Variants in P3H2 observed in about 807,000 individuals in gnomAD.
P3H2 encodes prolyl 3-hydroxylase 2.
Under a neutral mutation model 87.0 loss-of-function variants are expected in P3H2, and 80 were observed. The observed-to-expected ratio is 0.92, with a 90% CI of 0.77 to 1.11. The LOEUF is 1.11. Among genes scored for constraint, P3H2 ranks in the 50% least tolerant of loss-of-function variants. The probability of loss-of-function intolerance (pLI) is 0.00; values close to 1 mark genes in which losing one functional copy is unlikely to be tolerated. For synonymous variants in P3H2, 367 were observed against 359.3 expected (o/e 1.02, Z -0.24); for missense variants, 1,001 against 923.9 (o/e 1.08, Z -1.08).
At chr3:190,100,534 A>G (rs1336377474) in intron 1 of P3H2, among the ~76,000 whole-genome samples, 2 of 152,152 alleles carry the variant, frequency 1.3e-5, no homozygotes, top group Non-Finnish European at 2.9e-5. Context: ...CCAAGATTAC[A>G]TATTACAATC....
At chr3:190,069,094 C>T (rs758486912) in intron 1 of P3H2, among the ~76,000 whole-genome samples, 18 of 152,090 alleles carry the variant, frequency 1.2e-4, no homozygotes, top group Non-Finnish European at 2.1e-4. Context: ...CCAAGAGAGC[C>T]TCACCTATCT....
chr3:189,980,359 T>G (rs1288571778), intron 8 of P3H2, among the ~76,000 whole-genome samples: 7 of 152,178 alleles, frequency 4.6e-5, no homozygotes, highest in African/African-American at 1.2e-4. Flanking sequence ...GGTCAGGAGT[T>G]CGAGGCCAGC....
intron 1 of P3H2, among the ~76,000 whole-genome samples, chr3:190,073,293 G>A (rs1726765844): frequency 6.6e-6 from 1 of 152,178 alleles, no homozygotes; most frequent in African/African-American, 2.4e-5. Context: ...AAGCTGGCAG[G>A]AAACCCAAGA....
chr3:189,998,926 C>G (rs1724129650), intron 1 of P3H2, among the ~76,000 whole-genome samples: 1 of 152,132 alleles, frequency 6.6e-6, no homozygotes, highest in South Asian at 2.1e-4. Flanking sequence ...CACACTTCAC[C>G]AGAGGGTTGG....
intron 8 of P3H2, among the ~76,000 whole-genome samples, chr3:189,981,166 G>A (rs1316422229): frequency 6.6e-6 from 1 of 152,208 alleles, no homozygotes; most frequent in East Asian, 1.9e-4. Context: ...CCTGAGTTCT[G>A]TGGGATGCTC....
chr3:190,105,266 C>T (rs1173390464), intron 1 of P3H2, among the ~76,000 whole-genome samples: 5 of 152,274 alleles, frequency 3.3e-5, no homozygotes, highest in Admixed American at 2.0e-4. Flanking sequence ...ACATTTGAGC[C>T]GAGATCTTGT....
rs186120148 is a variant in P3H2, at chr3:190,019,433, A to G, written c.481-23991T>C. On this transcript the variant is annotated intron_variant, in intron 1 of 14. Coordinates refer to ENST00000319332, the MANE Select transcript of P3H2 (RefSeq NM_018192.4). Reference sequence around the variant, plus strand: ...TCAAAATATTCAATAGCATTTATTCAGTGACATTTATTTATTTATTCTTAC... The same window carrying G: ...TCAAAATATTCAATAGCATTTATTCGGTGACATTTATTTATTTATTCTTAC... Among the ~76,000 whole-genome samples the G allele has an allele frequency of 5.0e-3, 769 of 152,300 alleles. 8 individuals carry two copies. The highest frequency in any genetic ancestry group is 0.018 in the African/African-American group (740 of 41,560).
In P3H2 at chr3:190,120,572, C is replaced by T. The variant is rs781722601; in HGVS notation, c.160G>A (p.Ala54Thr). ...CGCTCGTAGTCTCCGCTGTAGTAGG[C>T]GGCCGCGCCGCTGGCGTAGAGCAGG... ...FDLLYASGAA[A>T]YYSGDYERAV... Residue 54 changes from alanine (A) to threonine (T), a missense_variant, in exon 1 of 15, where the codon GCC becomes ACC. Coordinates refer to ENST00000319332, the MANE Select transcript of P3H2 (RefSeq NM_018192.4). 20 of 1,539,836 alleles carry T rather than the reference C, an allele frequency of 1.3e-5. No homozygotes were observed. The highest frequency in any genetic ancestry group is 1.7e-5 in the Non-Finnish European group (20 of 1,153,194).
At chr3:190,079,605 C>T (rs891276524) in intron 1 of P3H2, among the ~76,000 whole-genome samples, 4 of 152,082 alleles carry the variant, frequency 2.6e-5, no homozygotes, top group African/African-American at 9.7e-5. Flanking sequence ...CCACTAATGT[C>T]CCAAAACACA....
At chr3:190,117,254 G>T (rs905697634) in intron 1 of P3H2, among the ~76,000 whole-genome samples, 1 of 152,122 alleles carries the variant, frequency 6.6e-6, no homozygotes, top group Admixed American at 6.5e-5. Flanking sequence ...TGAACTCATT[G>T]GGTCTCAGAT....
rs772880610 is a variant in P3H2, at chr3:190,111,953, G to A, written c.480+8299C>T. 5.3e-5 allele frequency among the ~76,000 whole-genome samples: 8 copies of A among 152,222 alleles called. 1 individual carries two copies. The East Asian group carries it at 7.7e-4, about 15-fold the overall frequency. On this transcript the variant is annotated intron_variant, in intron 1 of 14. Transcript: ENST00000319332. Reference sequence around the variant, plus strand: ...GAGAAAAGTAAAACTTGCTGAAATCGTTAATGTCCCTAGGGTTAAGTCACT... The same window carrying A: ...GAGAAAAGTAAAACTTGCTGAAATCATTAATGTCCCTAGGGTTAAGTCACT...
chr3:190,038,184 C>T (rs1021168033), intron 1 of P3H2, among the ~76,000 whole-genome samples: 3 of 149,034 alleles, frequency 2.0e-5, no homozygotes, highest in Non-Finnish European at 3.0e-5. Context: ...TGTCGCGAGC[C>T]GAGATTGCGC....
At chr3:190,013,701 T>C (rs557901737) in intron 1 of P3H2, among the ~76,000 whole-genome samples, 1 of 152,364 alleles carries the variant, frequency 6.6e-6, no homozygotes, top group South Asian at 2.1e-4. Context: ...TTAACAACCC[T>C]GGCTTTGCCT....
intron 1 of P3H2, among the ~76,000 whole-genome samples, chr3:190,081,951 A>C (rs1335338698): frequency 6.6e-6 from 1 of 151,858 alleles, no homozygotes; most frequent in Non-Finnish European, 1.5e-5. Flanking sequence ...AAACATGGTT[A>C]AAACAATGGC....
chr3:190,063,202 T>C (rs1726387668), intron 1 of P3H2, among the ~76,000 whole-genome samples: 1 of 152,174 alleles, frequency 6.6e-6, no homozygotes, highest in African/African-American at 2.4e-5. Context: ...TGGTAAATGA[T>C]AAGCTGCTTC....
At chr3:190,088,515 C>G (rs1727301023) in intron 1 of P3H2, among the ~76,000 whole-genome samples, 1 of 152,074 alleles carries the variant, frequency 6.6e-6, no homozygotes, top group Non-Finnish European at 1.5e-5. Flanking sequence ...CAAAATTAGT[C>G]ATAATTGGGA....
At chr3:190,049,422 AG>A (rs1725905684) in intron 1 of P3H2, among the ~76,000 whole-genome samples, 1 of 152,060 alleles carries the variant, frequency 6.6e-6, no homozygotes, top group Middle Eastern at 3.2e-3. Context: ...CCTAAATGGC[AG>A]GGGAGGGAAA....
At chr3:190,107,997 G>T (rs1210288106) in intron 1 of P3H2, among the ~76,000 whole-genome samples, 1 of 150,588 alleles carries the variant, frequency 6.6e-6, no homozygotes, top group Non-Finnish European at 1.5e-5. Context: ...TTTAGACACA[G>T]GGTTCCCATT....
At chr3:189,961,550 T>G (rs1722810365) in intron 14 of P3H2, among the ~76,000 whole-genome samples, 1 of 152,106 alleles carries the variant, frequency 6.6e-6, no homozygotes, top group South Asian at 2.1e-4. Flanking sequence ...GGCCAGGAAC[T>G]CCCAAACTCT....
Sources: gnomAD v4.1 joint callset for allele counts (sites outside exome capture counted in the v4.1 genomes callset) on GRCh38, gnomAD v4.1.1 for gene constraint, MANE v1.5 for transcripts, NCBI Gene and HGNC (gene_info 2026-07-23, HGNC 2026-07-21) for gene names.